Variants in BCL7A observed in about 807,000 individuals in gnomAD.
The protein encoded by BCL7A is BAF chromatin remodeling complex subunit BCL7A.
In BCL7A, 11 loss-of-function variants were observed where a neutral mutation model predicts 28.4. The ratio of observed to expected loss-of-function variants is 0.39; its 90% CI spans 0.24 to 0.64. The LOEUF (loss-of-function observed/expected upper bound fraction) is 0.64. Ranked by LOEUF, BCL7A falls within the 30% of genes least tolerant of loss-of-function variation. The pLI is 0.50. For missense variants in BCL7A, 222 were observed against 274.8 expected, an observed-to-expected ratio of 0.81 and a Z score of 1.36; for synonymous variants, 123 against 103.3, an observed-to-expected ratio of 1.19 and a Z score of -1.15.
rs1110123 is a variant in BCL7A at position 122,029,310 on chromosome 12, T to C, written c.93-1390T>C. Among the ~76,000 whole-genome samples, 10,073 of 151,658 alleles carry C rather than the reference T, an allele frequency of 0.066. 1,103 individuals are homozygous for C. Among genetic ancestry groups the C allele is most frequent in the African/African-American group, 0.23 (9,434 of 41,300 alleles). On this transcript the variant is annotated intron_variant, in intron 1 of 5. Transcript: ENST00000261822. The surrounding 1 kb of genome is among the most constrained non-coding windows in gnomAD (Gnocchi z 4.3). The stretch of plus-strand genomic sequence containing the variant: ...GCGGGCAGGGTTTTTGGGGGTGAGG[T>C]GTCTGTGGTTTCGGCTGGCTGGGTT...
At chr12:122,055,087 CTGGGCTCTGCCT>C (rs1951868257) in intron 5 of BCL7A, 161 bp downstream of exon 5, 3 of 1,420,584 alleles carry the variant, frequency 2.1e-6, no homozygotes, top group African/African-American at 2.8e-5. Flanking sequence ...GAACACAGTC[CTGGGCTCTGCCT>C]TGGGCTCTGG....
At chr12:122,030,648 T>A (rs1883723691) in intron 1 of BCL7A, 52 bp from the exon 2 acceptor site, 2 of 1,525,678 alleles carry the variant, frequency 1.3e-6, no homozygotes, top group Admixed American at 3.3e-5. Context: ...GTGGCCTGTG[T>A]CCCCCAGGGA....
intron 1 of BCL7A, among the ~76,000 whole-genome samples, chr12:122,024,324 C>G (rs1239030631): frequency 6.6e-6 from 1 of 152,328 alleles, no homozygotes; most frequent in Non-Finnish European, 1.5e-5. Context: ...TGCTTGGCTT[C>G]CAGGTCCCCT....
chr12:122,054,038 T>G (rs1445457776), intron 4 of BCL7A, among the ~76,000 whole-genome samples: 1 of 152,154 alleles, frequency 6.6e-6, no homozygotes, highest in Non-Finnish European at 1.5e-5. Flanking sequence ...TACTTTTCTG[T>G]TTCCTGCAAT....
At chr12:122,040,548 A>C (rs969135587) in intron 3 of BCL7A, among the ~76,000 whole-genome samples, 24 of 151,444 alleles carry the variant, frequency 1.6e-4, no homozygotes, top group Admixed American at 1.4e-3. Flanking sequence ...AAAAAAAAAA[A>C]AACCAAAAGA....
intron 4 of BCL7A, among the ~76,000 whole-genome samples, chr12:122,045,951 T>C (rs117121492): frequency 0.03 from 4,383 of 146,846 alleles, 105 homozygotes; most frequent in Non-Finnish European, 0.047. Flanking sequence ...GAGCCCGGCA[T>C]GGTGGCATGC....
chr12:122,054,178 G>C (rs982589894), intron 4 of BCL7A, among the ~76,000 whole-genome samples: 2 of 152,178 alleles, frequency 1.3e-5, no homozygotes, highest in Non-Finnish European at 2.9e-5. Context: ...TCCGCCTCCC[G>C]GGTTCACGCC....
At chr12:122,023,608 G>GGGTT in intron 1 of BCL7A, among the ~76,000 whole-genome samples, 1 of 152,354 alleles carries the variant, frequency 6.6e-6, no homozygotes, top group East Asian at 1.9e-4. Context: ...TTTGGCTCCA[G>GGGTT]TGGGACAAAG....
chr12:122,029,969 T>G lies in BCL7A; in HGVS notation c.93-731T>G, dbSNP rs1189885708. Among the ~76,000 whole-genome samples the G allele has an allele frequency of 6.6e-6, 1 of 152,062 alleles. No homozygotes were observed. The highest frequency in any genetic ancestry group is 2.4e-5 in the African/African-American group (1 of 41,408). On this transcript the variant is annotated intron_variant, in intron 1 of 5. Transcript: ENST00000261822. This position sits in a 1 kb window ranked among gnomAD's most constrained non-coding sequence, Gnocchi z 4.3. The stretch of plus-strand genomic sequence containing the variant: ...TCTGTGGCTTGTAAGTTTCTCCTCA[T>G]CCATAAACCTGCCTCTCACAGTGGG...
At chr12:122,055,438 A>G (rs555406929) in intron 5 of BCL7A, among the ~76,000 whole-genome samples, 1 of 152,020 alleles carries the variant, frequency 6.6e-6, no homozygotes, top group Non-Finnish European at 1.5e-5. Context: ...TTAGGAGCAA[A>G]CCTCCCAGAG....
intron 4 of BCL7A, among the ~76,000 whole-genome samples, chr12:122,051,304 C>A (rs1355251552): frequency 6.6e-6 from 1 of 152,116 alleles, no homozygotes; most frequent in Non-Finnish European, 1.5e-5. Flanking sequence ...GGGAAGGGCA[C>A]AAGGACAGAC....
At chr12:122,022,433 C>A (rs1254882972) in intron 1 of BCL7A, among the ~76,000 whole-genome samples, 1 of 143,926 alleles carries the variant, frequency 6.9e-6, no homozygotes, top group African/African-American at 2.5e-5. Context: ...GGCCCGGAGG[C>A]GGCGGGCGCC....
At chr12:122,048,144 C>T (rs1884114626) in intron 4 of BCL7A, among the ~76,000 whole-genome samples, 1 of 152,050 alleles carries the variant, frequency 6.6e-6, no homozygotes, top group Non-Finnish European at 1.5e-5. Context: ...CTCAGGTGAT[C>T]CGCCCGCCTC....
intron 1 of BCL7A, among the ~76,000 whole-genome samples, chr12:122,023,657 T>A (rs1883532155): frequency 6.6e-6 from 1 of 152,078 alleles, no homozygotes; most frequent in African/African-American, 2.4e-5. Context: ...TTTCCAAAGT[T>A]GAGATCCAAG....
At chr12:122,031,068 C>A (rs1182451308) in intron 2 of BCL7A, among the ~76,000 whole-genome samples, 5 of 152,130 alleles carry the variant, frequency 3.3e-5, no homozygotes, top group African/African-American at 1.2e-4. Flanking sequence ...ACTCTGCCGC[C>A]CAGGCTGGAG....
chr12:122,043,003 C>A (rs1883990609), intron 3 of BCL7A, among the ~76,000 whole-genome samples: 1 of 151,980 alleles, frequency 6.6e-6, no homozygotes, highest in African/African-American at 2.4e-5. Context: ...TCTCCCCTCC[C>A]CCAACTTTTT....
intron 1 of BCL7A, among the ~76,000 whole-genome samples, chr12:122,024,125 G>A (rs1883553213): frequency 1.3e-5 from 2 of 152,344 alleles, no homozygotes; most frequent in Admixed American, 6.5e-5. Flanking sequence ...GACCCCGCGG[G>A]GACCAGGCCT....
chr12:122,032,010 G>C (rs1485491928), intron 2 of BCL7A, among the ~76,000 whole-genome samples: 1 of 152,200 alleles, frequency 6.6e-6, no homozygotes, highest in African/African-American at 2.4e-5. Flanking sequence ...TGGGAAGATG[G>C]CGCAGACTAA....
At chr12:122,034,465 G>T (rs2135845491) in intron 2 of BCL7A, among the ~76,000 whole-genome samples, 1 of 149,372 alleles carries the variant, frequency 6.7e-6, no homozygotes, top group South Asian at 2.1e-4. Flanking sequence ...GCCGGGCACA[G>T]TGGCTCACAC....
Sources: gnomAD v4.1 joint callset for allele counts (sites outside exome capture counted in the v4.1 genomes callset) on GRCh38, gnomAD v4.1.1 for gene constraint, Gnocchi (gnomAD v3.1) non-coding constraint, MANE v1.5 for transcripts, NCBI Gene and HGNC (gene_info 2026-07-23, HGNC 2026-07-21) for gene names.